The following OXR1 variants were observed in gnomAD, a reference collection of about 807,000 sequenced individuals.
The protein encoded by OXR1 is oxidation resistance protein 1.
OXR1 carries 41 observed loss-of-function variants against 104.6 expected under a neutral mutation model. The ratio of observed to expected loss-of-function variants is 0.39; its 90% CI spans 0.31 to 0.51. The LOEUF (loss-of-function observed/expected upper bound fraction) is 0.51, where lower values mean the gene tolerates loss of function less well. Ranked by LOEUF, OXR1 falls within the 20% of genes least tolerant of loss-of-function variation. The pLI is 0.77. For synonymous variants in OXR1, 348 were observed against 348.4 expected (o/e 1.00, Z 0.01); for missense variants, 955 against 1,031.9 (o/e 0.93, Z 1.02).
intron 1 of OXR1, among the ~76,000 whole-genome samples, chr8:106,341,874 AT>A (rs35921475): frequency 0.31 from 43,177 of 141,104 alleles, 6,336 homozygotes; most frequent in Admixed American, 0.36. Flanking sequence ...CCCCACCTCT[AT>A]TTTTTTTTTT....
intron 6 of OXR1, among the ~76,000 whole-genome samples, chr8:106,687,052 A>G (rs1312959888): frequency 3.9e-5 from 6 of 152,150 alleles, no homozygotes; most frequent in African/African-American, 1.4e-4. Context: ...GTCCCTCCAG[A>G]CTTACTCTGT....
chr8:106,626,136 T>C (rs1412581250), intron 3 of OXR1, among the ~76,000 whole-genome samples: 1 of 151,850 alleles, frequency 6.6e-6, no homozygotes, highest in East Asian at 1.9e-4. Context: ...TCTAGATACA[T>C]TAAAAATATT....
intron 2 of OXR1, among the ~76,000 whole-genome samples, chr8:106,405,042 C>T (rs1028260933): frequency 6.6e-6 from 1 of 151,210 alleles, no homozygotes; most frequent in Non-Finnish European, 1.5e-5. Flanking sequence ...ATTTCTGTTG[C>T]CAGATCAAAC....
At chr8:106,398,805 T>C (rs921145148) in intron 2 of OXR1, among the ~76,000 whole-genome samples, 7 of 152,172 alleles carry the variant, frequency 4.6e-5, no homozygotes, top group Non-Finnish European at 8.8e-5. Context: ...GGCCTACGCT[T>C]GAAATAATAC....
At chr8:106,649,549 T>C (rs1824372584) in intron 3 of OXR1, among the ~76,000 whole-genome samples, 4 of 150,168 alleles carry the variant, frequency 2.7e-5, no homozygotes. Context: ...GTAGTTCTAC[T>C]TTTTTGGAAA....
At chr8:106,750,711 A>G in intron 16 of OXR1, 95 bp from the exon 17 acceptor site, 1 of 851,780 alleles carries the variant, frequency 1.2e-6, no homozygotes, top group Non-Finnish European at 1.8e-6. Flanking sequence ...TGAGAAAATT[A>G]ATAACTTTAG....
chr8:106,437,100 C>T (rs1819611276), intron 2 of OXR1, among the ~76,000 whole-genome samples: 1 of 152,100 alleles, frequency 6.6e-6, no homozygotes, highest in South Asian at 2.1e-4. Context: ...TTTCTCTTAC[C>T]CTTTATGCTG....
At chr8:106,275,868 A>G (rs907156452) in intron 1 of OXR1, among the ~76,000 whole-genome samples, 3 of 152,178 alleles carry the variant, frequency 2.0e-5, no homozygotes, top group Non-Finnish European at 2.9e-5. Context: ...TTAAAATTTC[A>G]TTTTATCTTA....
intron 2 of OXR1, among the ~76,000 whole-genome samples, chr8:106,423,806 T>A (rs2130542781): frequency 6.6e-6 from 1 of 152,354 alleles, no homozygotes; most frequent in Non-Finnish European, 1.5e-5. Context: ...TTCAGGAGCC[T>A]CTGCTGAGAG....
intron 11 of OXR1, among the ~76,000 whole-genome samples, chr8:106,715,772 CTA>C (rs1176827059): frequency 6.6e-6 from 1 of 152,102 alleles, no homozygotes; most frequent in East Asian, 1.9e-4. Context: ...AGACTATTGA[CTA>C]TTTTGATTCA....
chr8:106,694,477 A>G (rs1366421901), intron 7 of OXR1, among the ~76,000 whole-genome samples: 2 of 116,862 alleles, frequency 1.7e-5, no homozygotes, highest in African/African-American at 8.4e-5. Context: ...ATATATTTAT[A>G]TATATATTTG....
chr8:106,744,558 A>T (rs1018764989), intron 15 of OXR1, among the ~76,000 whole-genome samples: 3 of 152,252 alleles, frequency 2.0e-5, no homozygotes, highest in Admixed American at 2.0e-4. Context: ...TCATGAAAGC[A>T]TAAAAAATAA....
chr8:106,659,862 C>T (rs147249602), intron 3 of OXR1, among the ~76,000 whole-genome samples: 2 of 152,198 alleles, frequency 1.3e-5, no homozygotes, highest in Admixed American at 6.5e-5. Context: ...TATCTGACAC[C>T]CTCCTTCAAA....
chr8:106,606,193 G>C (rs1487296955), intron 3 of OXR1, among the ~76,000 whole-genome samples: 1 of 152,084 alleles, frequency 6.6e-6, no homozygotes, highest in East Asian at 1.9e-4. Flanking sequence ...CTAGCTTCTA[G>C]AGGCCCCCTA....
At chr8:106,733,362 A>G (rs1016417940) in intron 11 of OXR1, among the ~76,000 whole-genome samples, 5 of 152,166 alleles carry the variant, frequency 3.3e-5, no homozygotes, top group African/African-American at 7.2e-5. Context: ...ACTCTCATCT[A>G]TCCTGGCTAG....
At position 106,694,913 on chromosome 8, in the gene OXR1, A is replaced by G. The variant is rs1587125819; in HGVS notation, c.675+2036A>G. ...TAGATAAATATATTTATCTATTTAC[A>G]TATTTATATATATTTATATATATAT... On this transcript the variant is annotated intron_variant, in intron 7 of 16. Coordinates refer to ENST00000517566, the MANE Select transcript of OXR1 (RefSeq NM_001198533.2). 3.3e-5 allele frequency among the ~76,000 whole-genome samples: 4 copies of G among 122,788 alleles called. No individual in the cohort carries two copies. The South Asian group carries it at 9.4e-4, about 29-fold the overall frequency. 80.6% of individuals were successfully genotyped at this position (122,788 alleles called of 152,430 possible). A position where few individuals can be genotyped will look rare whatever the true frequency, so the allele number is the denominator to read the frequency against.
intron 2 of OXR1, among the ~76,000 whole-genome samples, chr8:106,480,242 C>T (rs1442184603): frequency 3.3e-5 from 5 of 151,976 alleles, no homozygotes; most frequent in Non-Finnish European, 5.9e-5. Flanking sequence ...CACCAATATG[C>T]AGACCCAGCT....
chr8:106,732,921 T>A (rs558391514), intron 11 of OXR1, among the ~76,000 whole-genome samples: 78 of 152,338 alleles, frequency 5.1e-4, no homozygotes, highest in African/African-American at 1.9e-3. Context: ...CCTCCGCTTC[T>A]GTTTTCTGGA....
At chr8:106,275,298 T>G (rs946163928) in intron 1 of OXR1, among the ~76,000 whole-genome samples, 1 of 152,226 alleles carries the variant, frequency 6.6e-6, no homozygotes, top group Non-Finnish European at 1.5e-5. Flanking sequence ...TGATTTTGTT[T>G]GACATCTGAG....
Sources: gnomAD v4.1 joint callset for allele counts (sites outside exome capture counted in the v4.1 genomes callset) on GRCh38, gnomAD v4.1.1 for gene constraint, MANE v1.5 for transcripts, NCBI Gene and HGNC (gene_info 2026-07-23, HGNC 2026-07-21) for gene names.